The following NXPH1 variants were observed in gnomAD, a reference collection of about 807,000 sequenced individuals.
NXPH1 encodes neurexophilin-1.
In NXPH1, 5 loss-of-function variants were observed where a neutral mutation model predicts 23.7. That is an observed-to-expected ratio of 0.21 (90% CI 0.11 to 0.44). The LOEUF is 0.44. Among genes scored for constraint, NXPH1 ranks in the 20% least tolerant of loss-of-function variants. The pLI is 0.99. For synonymous variants in NXPH1, 144 were observed against 122.2 expected (o/e 1.18, Z -1.18); for missense variants, 324 against 321.6 (o/e 1.01, Z -0.06).
chr7:8,534,158 C>A (rs1817991744), intron 2 of NXPH1, among the ~76,000 whole-genome samples: 1 of 152,042 alleles, frequency 6.6e-6, no homozygotes, highest in South Asian at 2.1e-4. Context: ...GATTTCTCTA[C>A]CATTCATGTA....
At chr7:8,553,411 G>A (rs114881138) in intron 2 of NXPH1, among the ~76,000 whole-genome samples, 199 of 149,818 alleles carry the variant, frequency 1.3e-3, no homozygotes, top group African/African-American at 4.1e-3. Context: ...TATTTAAAAT[G>A]ATGGAGCAGA....
intron 2 of NXPH1, among the ~76,000 whole-genome samples, chr7:8,716,552 C>A (rs147679308): frequency 2.6e-5 from 4 of 152,276 alleles, no homozygotes; most frequent in African/African-American, 7.2e-5. Context: ...TCCACCTCTG[C>A]ATTACCAAAG....
chr7:8,727,128 A>C (rs1225639006), intron 2 of NXPH1, among the ~76,000 whole-genome samples: 3 of 147,328 alleles, frequency 2.0e-5, no homozygotes, highest in Non-Finnish European at 4.4e-5. Context: ...GGCTGCATAA[A>C]TGTCTTCTTT....
At chr7:8,645,835 A>G (rs545255643) in intron 2 of NXPH1, among the ~76,000 whole-genome samples, 2 of 152,228 alleles carry the variant, frequency 1.3e-5, no homozygotes, top group South Asian at 4.1e-4. Flanking sequence ...CTCCACTGAT[A>G]AGCAATTCCA....
At chr7:8,652,127 C>G (rs1304590488) in intron 2 of NXPH1, among the ~76,000 whole-genome samples, 1 of 152,042 alleles carries the variant, frequency 6.6e-6, no homozygotes, top group Admixed American at 6.6e-5. Flanking sequence ...TCAATCTCAA[C>G]CTTTACTTGA....
chr7:8,477,335 A>ATT (rs149828257), intron 2 of NXPH1, among the ~76,000 whole-genome samples: 3 of 151,422 alleles, frequency 2.0e-5, no homozygotes, highest in East Asian at 2.0e-4. Flanking sequence ...CCGGAGCTGT[A>ATT]TTTTTTTTTA....
At chr7:8,541,711 A>G (rs1414553338) in intron 2 of NXPH1, among the ~76,000 whole-genome samples, 3 of 151,642 alleles carry the variant, frequency 2.0e-5, no homozygotes, top group African/African-American at 7.2e-5. Context: ...ACATGGCAGT[A>G]AAAGCACAAA....
intron 2 of NXPH1, among the ~76,000 whole-genome samples, chr7:8,610,552 C>T (rs1304545232): frequency 2.6e-5 from 4 of 151,844 alleles, no homozygotes; most frequent in African/African-American, 9.7e-5. Context: ...ACAAAAAGTA[C>T]CACATAGAAC....
chr7:8,506,804 T>G (rs1294807193), intron 2 of NXPH1, among the ~76,000 whole-genome samples: 1 of 151,974 alleles, frequency 6.6e-6, no homozygotes, highest in Non-Finnish European at 1.5e-5. Context: ...CATGGAACAT[T>G]ACAAGTATCT....
chr7:8,690,997 T>C (rs1207429375), intron 2 of NXPH1, among the ~76,000 whole-genome samples: 2 of 152,146 alleles, frequency 1.3e-5, no homozygotes, highest in African/African-American at 4.8e-5. Flanking sequence ...AAGACTTCCT[T>C]TTAGTTAACA....
At chr7:8,567,469 G>A (rs1818566100) in intron 2 of NXPH1, among the ~76,000 whole-genome samples, 1 of 151,854 alleles carries the variant, frequency 6.6e-6, no homozygotes, top group Admixed American at 6.6e-5. Flanking sequence ...TCCTTAGAAT[G>A]GGACAATTTC....
Position 8,587,713 on chromosome 7 carries a change from C to T in NXPH1, c.54+151946C>T, listed in dbSNP as rs147024785. ...ATGTGTTCTTATTGTTCAACTCCCA[C>T]TTATGAGTGAGAACGTGCGGTGTTT... On this transcript the variant is annotated intron_variant, in intron 2 of 2. Coordinates refer to ENST00000405863, the MANE Select transcript of NXPH1 (RefSeq NM_152745.3). Among the ~76,000 whole-genome samples the T allele has an allele frequency of 4.3e-3, 656 of 152,236 alleles. 4 individuals carry two copies. The highest frequency in any genetic ancestry group is 0.015 in the African/African-American group (619 of 41,566).
chr7:8,506,535 A>C (rs1817526148), intron 2 of NXPH1, among the ~76,000 whole-genome samples: 1 of 152,220 alleles, frequency 6.6e-6, no homozygotes, highest in East Asian at 1.9e-4. Flanking sequence ...CAGACTATTA[A>C]TGAGTAAAGA....
chr7:8,590,688 A>G (rs1819075253), intron 2 of NXPH1, among the ~76,000 whole-genome samples: 1 of 152,154 alleles, frequency 6.6e-6, no homozygotes, highest in African/African-American at 2.4e-5. Context: ...TAACTTAGAT[A>G]TTTTTTGCCC....
intron 2 of NXPH1, among the ~76,000 whole-genome samples, chr7:8,453,676 T>C (rs891876031): frequency 2.6e-4 from 40 of 152,230 alleles, no homozygotes; most frequent in African/African-American, 9.4e-4. Context: ...TTACACATAG[T>C]GGTTTTAAGA....
intron 2 of NXPH1, among the ~76,000 whole-genome samples, chr7:8,575,083 T>C (rs780738469): frequency 5.9e-5 from 9 of 152,170 alleles, no homozygotes; most frequent in Non-Finnish European, 1.3e-4. Flanking sequence ...ACATTAATGC[T>C]GTATCCTTTA....
At chr7:8,562,433 T>G (rs1818462234) in intron 2 of NXPH1, among the ~76,000 whole-genome samples, 1 of 151,774 alleles carries the variant, frequency 6.6e-6, no homozygotes, top group South Asian at 2.1e-4. Flanking sequence ...AATGGTTGAT[T>G]CATTTCCTTG....
chr7:8,738,611 C>G (rs747503151), intron 2 of NXPH1, among the ~76,000 whole-genome samples: 13 of 152,160 alleles, frequency 8.5e-5, no homozygotes, highest in Non-Finnish European at 1.8e-4. Context: ...GAGGGACCCA[C>G]TTGAGGAGGC....
At chr7:8,590,886 G>A (rs976364878) in intron 2 of NXPH1, among the ~76,000 whole-genome samples, 1 of 152,000 alleles carries the variant, frequency 6.6e-6, no homozygotes, top group Non-Finnish European at 1.5e-5. Flanking sequence ...TCGTTGAACT[G>A]TTCCTATTTT....
Sources: gnomAD v4.1 joint callset for allele counts (sites outside exome capture counted in the v4.1 genomes callset) on GRCh38, gnomAD v4.1.1 for gene constraint, MANE v1.5 for transcripts, NCBI Gene and HGNC (gene_info 2026-07-23, HGNC 2026-07-21) for gene names.